The following MEGF9 variants were observed in gnomAD, a reference collection of about 807,000 sequenced individuals.
The protein encoded by MEGF9 is multiple EGF like domains 9.
Under a neutral mutation model 46.8 loss-of-function variants are expected in MEGF9, and 6 were observed. The ratio of observed to expected loss-of-function variants is 0.13; its 90% confidence interval spans 0.07 to 0.25. The LOEUF (loss-of-function observed/expected upper bound fraction) is 0.25. Ranked by LOEUF, MEGF9 falls within the 10% of genes least tolerant of loss-of-function variation. The pLI is 1.00. For missense variants in MEGF9, 683 were observed against 792.4 expected, an observed-to-expected ratio of 0.86 and a Z score of 1.66; for synonymous variants, 302 against 330.7, an observed-to-expected ratio of 0.91 and a Z score of 0.94.
At chr9:120,697,295 C>T (rs916174809) in intron 1 of MEGF9, among the ~76,000 whole-genome samples, 4 of 152,132 alleles carry the variant, frequency 2.6e-5, no homozygotes, top group African/African-American at 4.8e-5. Flanking sequence ...GTTGCCCAGG[C>T]GGGTCTCAAA....
intron 2 of MEGF9, among the ~76,000 whole-genome samples, chr9:120,634,019 G>C (rs780662229): frequency 2.6e-5 from 4 of 152,144 alleles, no homozygotes; most frequent in Non-Finnish European, 5.9e-5. Flanking sequence ...CTATCCTGGA[G>C]AATGTTCTAT....
intron 3 of MEGF9, among the ~76,000 whole-genome samples, chr9:120,620,942 T>G (rs1587975601): frequency 6.6e-6 from 1 of 152,260 alleles, no homozygotes; most frequent in African/African-American, 2.4e-5. Flanking sequence ...TTTTCCAGGG[T>G]ACTTTTGACT....
At chr9:120,673,043 T>C (rs900076627) in intron 1 of MEGF9, among the ~76,000 whole-genome samples, 4 of 151,972 alleles carry the variant, frequency 2.6e-5, no homozygotes, top group African/African-American at 9.7e-5. Context: ...AAAAATAAGG[T>C]TGCAAGATAC....
In MEGF9 at chr9:120,714,465, C is replaced by A. The variant is rs1217511205; in HGVS notation, c.-107G>T. 3 of 1,017,682 alleles carry A rather than the reference C, an allele frequency of 2.9e-6. No homozygotes were observed. Among genetic ancestry groups the A allele is most frequent in the Middle Eastern group, 2.3e-4 (1 of 4,302 alleles). 63.0% of individuals were successfully genotyped at this position (1,017,682 alleles called of 1,614,324 possible). A position where few individuals can be genotyped will look rare whatever the true frequency, so the allele number is the denominator to read the frequency against. ...GCCACCGGGCGCACCATCGCCACCT[C>A]CCTCTGACAGGCGGCCGGCCCCGCG... On this transcript the variant is annotated 5_prime_UTR_variant, in exon 1 of 6. Coordinates refer to ENST00000373930, the MANE Select transcript of MEGF9 (RefSeq NM_001080497.3).
chr9:120,647,129 G>A (rs779443848), intron 2 of MEGF9, among the ~76,000 whole-genome samples: 6 of 151,176 alleles, frequency 4.0e-5, no homozygotes, highest in Admixed American at 6.6e-5. Flanking sequence ...AAAGGTCACC[G>A]AGACCTGGAA....
At chr9:120,700,137 T>G (rs1326568786) in intron 1 of MEGF9, among the ~76,000 whole-genome samples, 6 of 152,188 alleles carry the variant, frequency 3.9e-5, no homozygotes, top group African/African-American at 1.4e-4. Flanking sequence ...CTCAAAAACC[T>G]TTGGTGACTG....
chr9:120,675,887 CAAA>C (rs1173047863), intron 1 of MEGF9, among the ~76,000 whole-genome samples: 26 of 58,152 alleles, frequency 4.5e-4, no homozygotes, highest in African/African-American at 1.7e-3. Flanking sequence ...GACTCCATCT[CAAA>C]AAAAAAAAAA....
Position 120,688,130 on chromosome 9 carries a change from AACACACAC to A in MEGF9, c.601+25620_601+25627del, listed in dbSNP as rs34218836. Among the ~76,000 whole-genome samples the A allele has an allele frequency of 7.6e-3, 1,085 of 142,610 alleles. 9 individuals carry two copies. The highest frequency in any genetic ancestry group is 0.02 in the African/African-American group (754 of 38,342). The allele number at this position is 142,610 out of a possible 152,430, so 93.6% of individuals were successfully genotyped here. ...TCTGAATGCATCATCTCCTCTCCGC[AACACACAC>A]ACACACACACACACACACACACACA... is the stretch of plus-strand genomic sequence containing the variant. On this transcript the variant is annotated intron_variant, in intron 1 of 5. Transcript: ENST00000373930.
chr9:120,693,128 T>C (rs549530355), intron 1 of MEGF9, among the ~76,000 whole-genome samples: 23 of 152,106 alleles, frequency 1.5e-4, no homozygotes, highest in African/African-American at 5.1e-4. Flanking sequence ...CAGTGTAAAC[T>C]TATTGACAAA....
chr9:120,678,065 A>C lies in MEGF9; in HGVS notation c.602-18490T>G, dbSNP rs182901215. On this transcript the variant is annotated intron_variant, in intron 1 of 5. Transcript: ENST00000373930. The stretch of plus-strand genomic sequence containing the variant: ...TTCTGTGCCTGGCTTATTTCACTTA[A>C]CATAATTACCTCTAGTTGTTGTTGT... Among the ~76,000 whole-genome samples the C allele has an allele frequency of 7.9e-5, 12 of 152,310 alleles. No homozygotes were observed. In the East Asian group the frequency reaches 2.3e-3, roughly 29 times the overall value.
intron 1 of MEGF9, among the ~76,000 whole-genome samples, chr9:120,682,154 A>C (rs2043801521): frequency 6.6e-6 from 1 of 152,226 alleles, no homozygotes; most frequent in Non-Finnish European, 1.5e-5. Flanking sequence ...GATTGCAAAA[A>C]TTAAAAACTA....
chr9:120,617,175 T>A (rs182104001), intron 3 of MEGF9, among the ~76,000 whole-genome samples: 1 of 152,274 alleles, frequency 6.6e-6, no homozygotes, highest in East Asian at 1.9e-4. Flanking sequence ...GATTTTTTCA[T>A]GCTCCTTGAC....
chr9:120,687,795 AAAG>A (rs980439829), intron 1 of MEGF9, among the ~76,000 whole-genome samples: 3 of 151,552 alleles, frequency 2.0e-5, no homozygotes, highest in African/African-American at 7.3e-5. Context: ...AAAAAAAAAA[AAAG>A]AACACCAGGA....
At position 120,707,166 on chromosome 9, in the gene MEGF9, A is replaced by C. The variant is rs186922069; in HGVS notation, c.601+6592T>G. ...TCCTGTTTTGGAGATTAAATGACTT[A>C]ATATATATAAGGCACATAGAACAGT... On this transcript the variant is annotated intron_variant, in intron 1 of 5. Transcript: ENST00000373930. 4.9e-3 allele frequency among the ~76,000 whole-genome samples: 743 copies of C among 152,250 alleles called. 8 individuals are homozygous for C. Among genetic ancestry groups the C allele is most frequent in the Admixed American group, 4.7e-3 (72 of 15,300 alleles).
At chr9:120,661,829 T>C (rs2132323777) in intron 1 of MEGF9, among the ~76,000 whole-genome samples, 1 of 152,344 alleles carries the variant, frequency 6.6e-6, no homozygotes, top group South Asian at 2.1e-4. Context: ...GACAACTTCA[T>C]AACAAGACCT....
In MEGF9 at chr9:120,605,564, CAG is replaced by C. The variant is rs2043417075; in HGVS notation, c.1433_1434del (p.Pro478ArgfsTer4). ...NASLTTSVPT[P>X]VINSTFTPTT... ...GTAGGGGTAAAAGTACTATTTATAA[CAG>C]GGGTGGGCACTGATGTGGTCAAAGA... is the stretch of plus-strand genomic sequence containing the variant. On this transcript the variant is annotated frameshift_variant, in exon 6 of 6. Coordinates refer to ENST00000373930, the MANE Select transcript of MEGF9 (RefSeq NM_001080497.3). LOFTEE classifies it high-confidence loss of function. This position sits in a 1 kb window ranked among gnomAD's most constrained non-coding sequence, Gnocchi z 4.0. 1 of 1,608,336 alleles carries C rather than the reference CAG, an allele frequency of 6.2e-7. No homozygotes were observed. The highest frequency in any genetic ancestry group is 8.5e-7 in the Non-Finnish European group (1 of 1,176,846).
intron 2 of MEGF9, among the ~76,000 whole-genome samples, chr9:120,633,893 A>G (rs1329355239): frequency 6.6e-6 from 1 of 152,152 alleles, no homozygotes; most frequent in Non-Finnish European, 1.5e-5. Flanking sequence ...ATAGCTTTCC[A>G]AAGTTCCTCT....
rs1012730895 is a variant in MEGF9, at chr9:120,607,820, G to A, written c.1278C>T (p.Leu426=). ...KPESGECINC[L]HNTTGFWCEN... ...CACACCAAAACCCAGTGGTGTTATG[G>A]AGGCAGTTGATGCACTCACCACTCT... Residue 426 remains leucine (L), a synonymous_variant, in exon 5 of 6, where the codon CTC becomes CTT. Transcript: ENST00000373930. 6.2e-7 allele frequency: 1 copy of A among 1,613,868 alleles called. No individual in the cohort carries two copies. Among genetic ancestry groups the A allele is most frequent in the African/African-American group, 1.3e-5 (1 of 74,910 alleles).
chr9:120,666,098 G>GT (rs901645718), intron 1 of MEGF9, among the ~76,000 whole-genome samples: 28 of 151,642 alleles, frequency 1.8e-4, no homozygotes, highest in African/African-American at 3.6e-4. Context: ...GAATTTTAGG[G>GT]TTTTTTTTAA....
Sources: allele counts gnomAD v4.1 joint callset (sites outside exome capture counted in the v4.1 genomes callset), GRCh38; gene constraint gnomAD v4.1.1; non-coding constraint Gnocchi (gnomAD v3.1); transcripts MANE v1.5; gene names NCBI Gene and HGNC (gene_info 2026-07-23, HGNC 2026-07-21).